Variants in C1orf87 observed in about 807,000 individuals in gnomAD.
C1orf87 encodes the protein chromosome 1 open reading frame 87.
Under a neutral mutation model 60.5 loss-of-function variants are expected in C1orf87, and 58 were observed. The observed-to-expected ratio is 0.96, with a 90% CI of 0.78 to 1.19. The LOEUF (loss-of-function observed/expected upper bound fraction) is 1.19. Among genes scored for constraint, C1orf87 ranks in the 50% most tolerant of loss-of-function variants. The pLI, the probability that C1orf87 is intolerant of heterozygous loss-of-function variation, is 0.00. For missense variants in C1orf87, 673 were observed against 638.6 expected, an observed-to-expected ratio of 1.05 and a Z score of -0.58; for synonymous variants, 236 against 227.4, an observed-to-expected ratio of 1.04 and a Z score of -0.34.
Position 59,990,633 on chromosome 1 carries a change from A to T in C1orf87, c.*40T>A, listed in dbSNP as rs902154466. 1.2e-6 allele frequency: 2 copies of T among 1,602,362 alleles called. No individual in the cohort carries two copies. Among genetic ancestry groups the T allele is most frequent in the African/African-American group, 2.7e-5 (2 of 74,596 alleles). ...GAAACATGTGTCTGGGTAAAAAGGG[A>T]GATAAGGGAAACATCTGTTCTCACA... is the stretch of plus-strand genomic sequence containing the variant. On this transcript the variant is annotated 3_prime_UTR_variant, in exon 12 of 12. Coordinates refer to ENST00000371201, the MANE Select transcript of C1orf87 (RefSeq NM_152377.3).
At chr1:60,044,231 C>T (rs936501059) in intron 3 of C1orf87, among the ~76,000 whole-genome samples, 14 of 152,042 alleles carry the variant, frequency 9.2e-5, no homozygotes, top group Admixed American at 3.3e-4. Context: ...GGGGTTTCAC[C>T]GTGTTAGCCA....
intron 3 of C1orf87, among the ~76,000 whole-genome samples, chr1:60,042,055 T>C (rs1574317072): frequency 6.6e-6 from 1 of 152,130 alleles, no homozygotes; most frequent in Non-Finnish European, 1.5e-5. Flanking sequence ...TGCTCCTCCT[T>C]CTTCCTTCTT....
In C1orf87 at chr1:60,066,558, C is replaced by A. The variant is rs1013897336; in HGVS notation, c.107+5979G>T. On this transcript the variant is annotated intron_variant, in intron 2 of 11. Coordinates refer to ENST00000371201, the MANE Select transcript of C1orf87 (RefSeq NM_152377.3). ...TAGTTCTCTTATTATTTTCACCACA[C>A]CTGCAGTGATTCCTCCACTGAAGTC... Among the ~76,000 whole-genome samples, 3 of 152,166 alleles carry A rather than the reference C, an allele frequency of 2.0e-5. 1 individual carries two copies. The highest frequency in any genetic ancestry group is 7.2e-5 in the African/African-American group (3 of 41,442).
chr1:60,004,776 G>T (rs1234403512), intron 9 of C1orf87, among the ~76,000 whole-genome samples: 1 of 151,866 alleles, frequency 6.6e-6, no homozygotes, highest in African/African-American at 2.4e-5. Context: ...AGCCAAGCTG[G>T]CTTCTAGAGA....
chr1:60,016,842 T>G (rs1645127825), intron 8 of C1orf87, among the ~76,000 whole-genome samples: 1 of 152,204 alleles, frequency 6.6e-6, no homozygotes. Flanking sequence ...GGGCAAGAGA[T>G]CCTAAACTCA....
At chr1:59,994,135 C>T (rs1031005582) in intron 11 of C1orf87, among the ~76,000 whole-genome samples, 6 of 152,054 alleles carry the variant, frequency 3.9e-5, no homozygotes, top group Admixed American at 1.3e-4. Context: ...TTGATCCGTT[C>T]TCAAATCTGG....
At chr1:60,040,957 A>G in intron 4 of C1orf87, 34 bp downstream of exon 4, 1 of 1,556,898 alleles carries the variant, frequency 6.4e-7, no homozygotes, top group Non-Finnish European at 8.7e-7. Flanking sequence ...TTCATCTACA[A>G]TAGACACAAC....
intron 2 of C1orf87, among the ~76,000 whole-genome samples, chr1:60,060,103 T>TA (rs397704495): frequency 1.3e-4 from 20 of 151,034 alleles, no homozygotes; most frequent in African/African-American, 4.6e-4. Context: ...TTTTTTTTTT[T>TA]ATGTCATGGA....
chr1:60,062,322 C>T (rs759091113), intron 2 of C1orf87, among the ~76,000 whole-genome samples: 3 of 152,160 alleles, frequency 2.0e-5, no homozygotes, highest in Non-Finnish European at 2.9e-5. Flanking sequence ...ACACAACACA[C>T]ATTTTTGTGT....
chr1:60,029,824 A>G (rs1645224383), intron 7 of C1orf87, among the ~76,000 whole-genome samples: 2 of 151,800 alleles, frequency 1.3e-5, no homozygotes. Context: ...TATTTTTAGC[A>G]GAGACAGGGT....
At chr1:59,992,741 C>T (rs1644933189) in intron 11 of C1orf87, among the ~76,000 whole-genome samples, 1 of 152,196 alleles carries the variant, frequency 6.6e-6, no homozygotes, top group African/African-American at 2.4e-5. Flanking sequence ...TGTGCAAGTA[C>T]TATTGTGCAT....
intron 3 of C1orf87, among the ~76,000 whole-genome samples, chr1:60,042,777 G>T (rs914621096): frequency 6.6e-6 from 1 of 152,150 alleles, no homozygotes; most frequent in Non-Finnish European, 1.5e-5. Context: ...TCTAGTTTGG[G>T]CCAGGCACTG....
intron 8 of C1orf87, among the ~76,000 whole-genome samples, chr1:60,013,469 G>A (rs762965570): frequency 1.3e-5 from 2 of 151,796 alleles, no homozygotes; most frequent in Non-Finnish European, 2.9e-5. Context: ...TTCATGTTTT[G>A]TGCTTTTTAA....
At chr1:59,991,071 A>G (rs1231231677) in intron 11 of C1orf87, among the ~76,000 whole-genome samples, 1 of 152,226 alleles carries the variant, frequency 6.6e-6, no homozygotes, top group South Asian at 2.1e-4. Context: ...ATGGGATCCA[A>G]TAAGATCCAT....
At chr1:60,017,078 T>C (rs548296104) in intron 8 of C1orf87, among the ~76,000 whole-genome samples, 1 of 152,348 alleles carries the variant, frequency 6.6e-6, no homozygotes, top group South Asian at 2.1e-4. Context: ...GTATTGGTTT[T>C]AGCCTCTCTG....
intron 10 of C1orf87, 103 bp downstream of exon 10, chr1:60,000,974 G>C: frequency 2.1e-6 from 2 of 939,928 alleles, no homozygotes; most frequent in South Asian, 3.0e-5. Context: ...AAGGGTTTGG[G>C]AGAAAATCAA....
intron 9 of C1orf87, 42 bp from the exon 10 acceptor site, chr1:60,001,198 G>A (rs1347432941): frequency 3.5e-6 from 5 of 1,426,214 alleles, no homozygotes; most frequent in Middle Eastern, 1.8e-4. Context: ...GTTTAGCTTG[G>A]TCTCTTCATT....
intron 3 of C1orf87, 121 bp downstream of exon 3, chr1:60,055,083 C>A (rs376376776): frequency 1.1e-6 from 1 of 923,030 alleles, no homozygotes; most frequent in Non-Finnish European, 1.7e-6. Flanking sequence ...ATTCTTACTT[C>A]TATCTCATGC....
chr1:60,001,642 C>T (rs1645006033), intron 9 of C1orf87, among the ~76,000 whole-genome samples: 1 of 152,024 alleles, frequency 6.6e-6, no homozygotes. Context: ...CAACCTGTAG[C>T]AAGGCCCTAA....
Sources: gnomAD v4.1 joint callset for allele counts (sites outside exome capture counted in the v4.1 genomes callset) on GRCh38, gnomAD v4.1.1 for gene constraint, MANE v1.5 for transcripts, NCBI Gene and HGNC (gene_info 2026-07-23, HGNC 2026-07-21) for gene names.